KPNA6: variants seen among roughly 807,000 people sequenced by gnomAD.
KPNA6 encodes the protein karyopherin subunit alpha 6.
Under a neutral mutation model 72.0 loss-of-function variants are expected in KPNA6, and 9 were observed. The ratio of observed to expected loss-of-function variants is 0.13; its 90% CI spans 0.08 to 0.22. The LOEUF (loss-of-function observed/expected upper bound fraction) is 0.22, where lower values mean the gene tolerates loss of function less well. KPNA6 is among the 10% of genes least tolerant of loss of function. The probability of loss-of-function intolerance (pLI) is 1.00; values close to 1 mark genes in which losing one functional copy is unlikely to be tolerated. For synonymous variants in KPNA6, 219 were observed against 242.1 expected, an observed-to-expected ratio of 0.90 and a Z score of 0.89; for missense variants, 374 against 655.7, an observed-to-expected ratio of 0.57 and a Z score of 4.69.
At chr1:32,142,051 G>A (rs376966134) in intron 1 of KPNA6, among the ~76,000 whole-genome samples, 9 of 151,964 alleles carry the variant, frequency 5.9e-5, no homozygotes, top group Non-Finnish European at 7.4e-5. Context: ...GGCGGATCAC[G>A]GAGTTTGAGA....
intron 1 of KPNA6, among the ~76,000 whole-genome samples, chr1:32,116,168 G>A (rs1641324504): frequency 1.3e-5 from 2 of 151,490 alleles, no homozygotes; most frequent in African/African-American, 4.8e-5. Flanking sequence ...TTGGCAATAA[G>A]GCTGTTTTTT....
At chr1:32,116,312 G>GA (rs764582932) in intron 1 of KPNA6, among the ~76,000 whole-genome samples, 2 of 150,190 alleles carry the variant, frequency 1.3e-5, no homozygotes, top group Non-Finnish European at 1.5e-5. Context: ...CCGGCCGGTT[G>GA]TTTTTTTTAA....
chr1:32,163,048 G>A (rs1418895352), intron 9 of KPNA6, among the ~76,000 whole-genome samples, 187 bp from the exon 10 acceptor site: 1 of 151,818 alleles, frequency 6.6e-6, no homozygotes, highest in Non-Finnish European at 1.5e-5. Context: ...AGCTTGCAGT[G>A]AGCCGAGATC....
Position 32,173,411 on chromosome 1 carries a change from G to A in KPNA6, c.*2517G>A. 7.1e-6 allele frequency: 2 copies of A among 281,276 alleles called. No homozygotes were observed. Among genetic ancestry groups the A allele is most frequent in the African/African-American group, 2.2e-5 (1 of 46,088 alleles). The allele number at this position is 281,276 out of a possible 1,614,324, so 17.4% of individuals were successfully genotyped here. On this transcript the variant is annotated 3_prime_UTR_variant, in exon 14 of 14. Transcript: ENST00000373625. ...GATGGAAAATGTTTTTGGTGATCTG[G>A]CTGCTGCTTAAAGCCAGTTTTCCCT...
intron 1 of KPNA6, among the ~76,000 whole-genome samples, chr1:32,135,478 G>A (rs568395102): frequency 6.6e-6 from 1 of 151,488 alleles, no homozygotes; most frequent in Non-Finnish European, 1.5e-5. Flanking sequence ...AATTACAGGC[G>A]TGAGCCACCA....
chr1:32,161,235 A>G (rs1355959691), intron 7 of KPNA6, among the ~76,000 whole-genome samples: 1 of 152,196 alleles, frequency 6.6e-6, no homozygotes, highest in African/African-American at 2.4e-5. Flanking sequence ...TGTTAGTCAT[A>G]TCCTCATATC....
chr1:32,167,648 T>C (rs531919959), intron 12 of KPNA6, among the ~76,000 whole-genome samples: 14 of 152,164 alleles, frequency 9.2e-5, no homozygotes, highest in African/African-American at 3.1e-4. Context: ...AACCGTACTA[T>C]GGGTTACTCA....
At chr1:32,162,279 C>T (rs764579292) in intron 8 of KPNA6, 82 bp from the exon 9 acceptor site, 15 of 1,273,986 alleles carry the variant, frequency 1.2e-5, no homozygotes, top group Admixed American at 2.2e-5. Context: ...ATTGTGGGGG[C>T]GGTGGTTGCA....
intron 1 of KPNA6, 106 bp downstream of exon 1, chr1:32,108,240 C>T (rs1641178835): frequency 6.6e-7 from 1 of 1,508,442 alleles, no homozygotes; most frequent in East Asian, 2.3e-5. Flanking sequence ...TGCATCCCCT[C>T]TAGCTAGGTC....
rs567616706 is a variant in KPNA6, at chr1:32,148,918, T to C, written c.5-5670T>C. 1.4e-4 allele frequency among the ~76,000 whole-genome samples: 21 copies of C among 152,126 alleles called. 1 individual carries two copies. The highest frequency in any genetic ancestry group is 5.1e-4 in the African/African-American group (21 of 41,492). On this transcript the variant is annotated intron_variant, in intron 1 of 13. Coordinates refer to ENST00000373625, the MANE Select transcript of KPNA6 (RefSeq NM_012316.5). ...TATGTTGCCTAGGCTGGTCTCAAAC[T>C]GTGGGCTCAAGCTGTCCTCCTGCCT...
chr1:32,109,838 A>G (rs1414632208), intron 1 of KPNA6, among the ~76,000 whole-genome samples: 1 of 151,154 alleles, frequency 6.6e-6, no homozygotes, highest in Non-Finnish European at 1.5e-5. Flanking sequence ...TTGTATTTTT[A>G]GTGGAGACGG....
intron 1 of KPNA6, among the ~76,000 whole-genome samples, chr1:32,143,201 C>T (rs1417132113): frequency 6.6e-6 from 1 of 152,076 alleles, no homozygotes; most frequent in Non-Finnish European, 1.5e-5. Context: ...GTAGCTGGGA[C>T]CACAGGTGCA....
chr1:32,118,713 A>G (rs1170843060), intron 1 of KPNA6, among the ~76,000 whole-genome samples: 12 of 151,848 alleles, frequency 7.9e-5, no homozygotes, highest in Admixed American at 7.9e-4. Flanking sequence ...GATCGTTTGA[A>G]CCTAGGAGTT....
At chr1:32,156,753 C>G (rs999458763) in intron 2 of KPNA6, 100 bp from the exon 3 acceptor site, 149 of 845,992 alleles carry the variant, frequency 1.8e-4, no homozygotes, top group Non-Finnish European at 2.7e-4. Context: ...CTCAGCTACT[C>G]TAGTATATCC....
intron 2 of KPNA6, among the ~76,000 whole-genome samples, chr1:32,156,108 CTT>C (rs879649294): frequency 1.4e-5 from 2 of 142,692 alleles, no homozygotes; most frequent in Non-Finnish European, 3.1e-5. Context: ...TCCTTTTTTT[CTT>C]TTTTTTTTTT....
chr1:32,134,440 A>G (rs1481943083), intron 1 of KPNA6, among the ~76,000 whole-genome samples: 7 of 151,968 alleles, frequency 4.6e-5, no homozygotes, highest in African/African-American at 1.4e-4. Flanking sequence ...CAGGAGTTCA[A>G]GACCAGCCTG....
chr1:32,118,106 T>C (rs988079986), intron 1 of KPNA6, among the ~76,000 whole-genome samples: 1 of 152,044 alleles, frequency 6.6e-6, no homozygotes. Flanking sequence ...GTATTTTTAG[T>C]AGAGACGGGG....
At chr1:32,125,936 G>A (rs1641523774) in intron 1 of KPNA6, among the ~76,000 whole-genome samples, 1 of 145,994 alleles carries the variant, frequency 6.8e-6, no homozygotes, top group Admixed American at 7.0e-5. Context: ...TCTCATGTGA[G>A]GTTCAGATTT....
chr1:32,159,616 A>G, intron 6 of KPNA6, 85 bp downstream of exon 6: 2 of 1,478,972 alleles, frequency 1.4e-6, no homozygotes, highest in Non-Finnish European at 1.8e-6. Flanking sequence ...TTCTTGGCAC[A>G]GTGTTAAAAC....
Sources: gnomAD v4.1 joint callset for allele counts (sites outside exome capture counted in the v4.1 genomes callset) on GRCh38, gnomAD v4.1.1 for gene constraint, MANE v1.5 for transcripts, NCBI Gene and HGNC (gene_info 2026-07-23, HGNC 2026-07-21) for gene names.